Variants in SAMD3 observed in about 807,000 individuals in gnomAD.
SAMD3 encodes sterile alpha motif domain containing 3.
A neutral mutation model predicts 58.5 loss-of-function variants in SAMD3; 63 were observed. That is an observed-to-expected ratio of 1.08 (90% confidence interval 0.88 to 1.33). The LOEUF (loss-of-function observed/expected upper bound fraction) is 1.33, where lower values mean the gene tolerates loss of function less well. Ranked by LOEUF, SAMD3 falls within the 40% of genes most tolerant of loss-of-function variation. The pLI is 0.00. For missense variants in SAMD3, 604 were observed against 608.4 expected, an observed-to-expected ratio of 0.99 and a Z score of 0.08; for synonymous variants, 220 against 210.3, an observed-to-expected ratio of 1.05 and a Z score of -0.40.
rs1302742172 is a variant in SAMD3 at position 130,244,745 on chromosome 6, AAATAAAAAT to A, written c.-187-21941_-187-21933del. On this transcript the variant is annotated intron_variant, in intron 2 of 13. Coordinates refer to the SAMD3 transcript ENST00000368134. ...ACAGGACGAGCCTGTCTCAAAAAAA[AAATAAAAAT>A]AAAAATAAAAATAAAAATAAAAATA... is the stretch of plus-strand genomic sequence containing the variant. 2.4e-4 allele frequency among the ~76,000 whole-genome samples: 11 copies of A among 46,648 alleles called. No homozygotes were observed. The African/African-American group carries it at 4.6e-3, about 19-fold the overall frequency. The allele number at this position is 46,648 out of a possible 152,430, so 30.6% of individuals were successfully genotyped here. A position where few individuals can be genotyped will look rare whatever the true frequency, so the allele number is the denominator to read the frequency against.
intron 2 of SAMD3, among the ~76,000 whole-genome samples, chr6:130,238,080 T>G (rs1481418820): frequency 1.3e-5 from 2 of 152,184 alleles, no homozygotes; most frequent in African/African-American, 4.8e-5. Context: ...ATGTTCTCAA[T>G]CATCATATTT....
At chr6:130,247,234 C>T (rs896119134) in intron 2 of SAMD3, among the ~76,000 whole-genome samples, 1 of 152,158 alleles carries the variant, frequency 6.6e-6, no homozygotes, top group African/African-American at 2.4e-5. Context: ...CTTTGAGAGG[C>T]CGAGGCGGGC....
At chr6:130,283,919 A>G (rs2114953916) in intron 2 of SAMD3, among the ~76,000 whole-genome samples, 1 of 152,224 alleles carries the variant, frequency 6.6e-6, no homozygotes. Context: ...CTGGCTCACC[A>G]CAACCTCTGC....
chr6:130,244,923 A>G (rs1341424106), intron 2 of SAMD3, among the ~76,000 whole-genome samples: 1 of 152,156 alleles, frequency 6.6e-6, no homozygotes, highest in Non-Finnish European at 1.5e-5. Flanking sequence ...ATTTTTGCTT[A>G]CAAGACATTT....
Position 130,161,505 on chromosome 6 carries a change from T to C in SAMD3, c.823-6480A>G, listed in dbSNP as rs532863456. On this transcript the variant is annotated intron_variant, in intron 8 of 11. Coordinates refer to ENST00000439090, the MANE Select transcript of SAMD3 (RefSeq NM_001017373.4). ...CTTCCACCTGATCAGACTGATGGGATTAACACAGTGTTGGTGGGTTGTATT... is the reference window on the plus strand; with the variant it reads ...CTTCCACCTGATCAGACTGATGGGACTAACACAGTGTTGGTGGGTTGTATT... 2.0e-5 allele frequency: 3 copies of C among 152,322 alleles called. No homozygotes were observed. In the South Asian group the frequency reaches 6.2e-4, roughly 32 times the overall value. 9.4% of individuals were successfully genotyped at this position (152,322 alleles called of 1,614,324 possible).
At chr6:130,265,603 G>A (rs1257856060) in intron 2 of SAMD3, among the ~76,000 whole-genome samples, 1 of 152,094 alleles carries the variant, frequency 6.6e-6, no homozygotes, top group Non-Finnish European at 1.5e-5. Flanking sequence ...AAAAGAACTT[G>A]TTTGTATAAT....
At chr6:130,227,459 C>T (rs1017329055), upstream of SAMD3, among the ~76,000 whole-genome samples, 1 of 152,128 alleles carries the variant, frequency 6.6e-6, no homozygotes, top group Admixed American at 6.6e-5. Flanking sequence ...GCTCAAGTCT[C>T]TGCTTTAGTG....
At chr6:130,163,747 T>G (rs1477826146) in intron 8 of SAMD3, among the ~76,000 whole-genome samples, 1 of 152,184 alleles carries the variant, frequency 6.6e-6, no homozygotes, top group Non-Finnish European at 1.5e-5. Context: ...TCAGGCCTAG[T>G]AAAAAACCAA....
At chr6:130,284,135 G>A (rs1775079177) in intron 2 of SAMD3, among the ~76,000 whole-genome samples, 1 of 152,204 alleles carries the variant, frequency 6.6e-6, no homozygotes, top group Admixed American at 6.5e-5. Flanking sequence ...TTATAGGCGT[G>A]AGCCACCATG....
intron 1 of SAMD3, among the ~76,000 whole-genome samples, chr6:130,348,391 A>G (rs906678364): frequency 1.3e-5 from 2 of 152,200 alleles, no homozygotes; most frequent in African/African-American, 4.8e-5. Flanking sequence ...AGATCTACCA[A>G]GCAAATGGAA....
At chr6:130,266,158 G>A (rs1233922858) in intron 2 of SAMD3, among the ~76,000 whole-genome samples, 1 of 152,110 alleles carries the variant, frequency 6.6e-6, no homozygotes, top group African/African-American at 2.4e-5. Context: ...CGTGGTTTGA[G>A]GAAAAGTTTA....
At chr6:130,192,782 C>T (rs1013872313) in intron 5 of SAMD3, among the ~76,000 whole-genome samples, 2 of 152,180 alleles carry the variant, frequency 1.3e-5, no homozygotes, top group Non-Finnish European at 1.5e-5. Context: ...GCTCTTTGCT[C>T]CGTGAGAAAG....
chr6:130,352,392 AG>A (rs1777702499), intron 1 of SAMD3, among the ~76,000 whole-genome samples: 1 of 152,138 alleles, frequency 6.6e-6, no homozygotes, highest in African/African-American at 2.4e-5. Flanking sequence ...TCACAACTTA[AG>A]GAGTTTTGAA....
intron 1 of SAMD3, among the ~76,000 whole-genome samples, chr6:130,359,290 A>G (rs1777920133): frequency 6.6e-6 from 1 of 152,220 alleles, no homozygotes; most frequent in African/African-American, 2.4e-5. Context: ...TTGTTTGAGT[A>G]CACAGAACAA....
chr6:130,212,024 G>A (rs1424512695), intron 4 of SAMD3, among the ~76,000 whole-genome samples: 1 of 151,420 alleles, frequency 6.6e-6, no homozygotes, highest in Non-Finnish European at 1.5e-5. Context: ...AATCTCCAAG[G>A]CTAGTTGAGG....
chr6:130,365,499 C>T, upstream of SAMD3: 1 of 985,538 alleles, frequency 1.0e-6, no homozygotes, highest in Non-Finnish European at 1.2e-6. Flanking sequence ...CGGGCGGCAT[C>T]TGAGGAGAAA....
intron 1 of SAMD3, among the ~76,000 whole-genome samples, chr6:130,336,968 G>A (rs888430688): frequency 3.9e-5 from 6 of 152,094 alleles, no homozygotes; most frequent in Admixed American, 1.3e-4. Context: ...GATGCTTAAC[G>A]CCACCAGCAA....
intron 2 of SAMD3, among the ~76,000 whole-genome samples, chr6:130,292,259 TTTTC>T (rs1228166859): frequency 1.4e-5 from 2 of 144,718 alleles, no homozygotes; most frequent in Admixed American, 7.3e-5. Context: ...ATAACTTTTT[TTTTC>T]TTTCTTTCTT....
intron 3 of SAMD3, 33 bp from the exon 4 acceptor site, chr6:130,214,559 G>T: frequency 2.6e-6 from 4 of 1,514,962 alleles, no homozygotes; most frequent in Non-Finnish European, 3.5e-6. Context: ...GTTTCTACAT[G>T]ACTTTCCGGC....
Sources: allele counts gnomAD v4.1 joint callset (sites outside exome capture counted in the v4.1 genomes callset), GRCh38; gene constraint gnomAD v4.1.1; transcripts MANE v1.5; gene names NCBI Gene and HGNC (gene_info 2026-07-23, HGNC 2026-07-21).